RBM33: variants seen among roughly 807,000 people sequenced by gnomAD.
RBM33 encodes RNA binding motif protein 33.
In RBM33, 28 loss-of-function variants were observed where a neutral mutation model predicts 132.6. The observed-to-expected ratio is 0.21, with a 90% CI of 0.16 to 0.29. The LOEUF (loss-of-function observed/expected upper bound fraction) is 0.29. RBM33 is among the 10% of genes least tolerant of loss of function. The probability of loss-of-function intolerance (pLI) is 1.00; values close to 1 mark genes in which losing one functional copy is unlikely to be tolerated. For missense variants in RBM33, 1,291 were observed against 1,518.5 expected, an observed-to-expected ratio of 0.85 and a Z score of 2.49; for synonymous variants, 634 against 593.0, an observed-to-expected ratio of 1.07 and a Z score of -1.01.
At chr7:155,669,553 G>A (rs537121014) in intron 2 of RBM33, among the ~76,000 whole-genome samples, 4 of 152,176 alleles carry the variant, frequency 2.6e-5, no homozygotes, top group East Asian at 1.9e-4. Context: ...GGGTTTCGCC[G>A]TGTTGGCCAG....
chr7:155,764,090 T>TACA, intron 15 of RBM33, 72 bp downstream of exon 15: 1 of 1,221,582 alleles, frequency 8.2e-7, no homozygotes, highest in Non-Finnish European at 1.1e-6. Flanking sequence ...AGACGTGCTC[T>TACA]AATTTGTAGC....
intron 1 of RBM33, among the ~76,000 whole-genome samples, chr7:155,656,767 T>G (rs1798503345): frequency 6.6e-6 from 1 of 152,214 alleles, no homozygotes; most frequent in South Asian, 2.1e-4. Flanking sequence ...ACTGATTTGT[T>G]TCTTAAGTTT....
intron 14 of RBM33, among the ~76,000 whole-genome samples, chr7:155,757,703 G>C (rs752421391): frequency 1.1e-4 from 17 of 152,144 alleles, no homozygotes; most frequent in Non-Finnish European, 2.4e-4. Context: ...AAATACCTGA[G>C]ACTGGATAAT....
intron 13 of RBM33, among the ~76,000 whole-genome samples, chr7:155,743,272 ATACT>A (rs1801408853): frequency 6.6e-6 from 1 of 152,244 alleles, no homozygotes. Flanking sequence ...AAGTTTTATC[ATACT>A]TCTAGTGTAT....
chr7:155,757,315 G>A (rs1801883431), intron 14 of RBM33, among the ~76,000 whole-genome samples: 1 of 152,058 alleles, frequency 6.6e-6, no homozygotes, highest in Non-Finnish European at 1.5e-5. Flanking sequence ...TGTAGAATTA[G>A]CTTTTCCTCA....
At chr7:155,677,867 GAGT>G (rs1799227288) in intron 3 of RBM33, among the ~76,000 whole-genome samples, 1 of 152,154 alleles carries the variant, frequency 6.6e-6, no homozygotes, top group African/African-American at 2.4e-5. Context: ...TTCGTGAAGG[GAGT>G]AGTAATTTAC....
chr7:155,725,109 A>G (rs185475469), intron 9 of RBM33, among the ~76,000 whole-genome samples: 1 of 151,670 alleles, frequency 6.6e-6, no homozygotes. Flanking sequence ...GTGCATTCAC[A>G]GATGAGATTT....
At chr7:155,734,129 A>G (rs1220973856) in intron 9 of RBM33, among the ~76,000 whole-genome samples, 5 of 152,156 alleles carry the variant, frequency 3.3e-5, no homozygotes, top group Admixed American at 1.3e-4. Context: ...CTGTAATTTC[A>G]AGAACATCGA....
At chr7:155,651,430 T>G (rs751143752) in intron 1 of RBM33, among the ~76,000 whole-genome samples, 1 of 152,086 alleles carries the variant, frequency 6.6e-6, no homozygotes, top group South Asian at 2.1e-4. Context: ...TAGAAGTTTT[T>G]AACAACATTT....
chr7:155,725,935 A>G (rs1800784715), intron 9 of RBM33, among the ~76,000 whole-genome samples: 1 of 152,232 alleles, frequency 6.6e-6, no homozygotes, highest in Admixed American at 6.5e-5. Context: ...GTATTTAAAC[A>G]AGGCATAACC....
At position 155,712,883 on chromosome 7, in the gene RBM33, C is replaced by T. The variant is rs369743768; in HGVS notation, c.1201+1428C>T. 2.6e-4 allele frequency among the ~76,000 whole-genome samples: 40 copies of T among 152,320 alleles called. 1 individual carries two copies. The East Asian group carries it at 6.9e-3, about 26-fold the overall frequency. On this transcript the variant is annotated intron_variant, in intron 8 of 17. Transcript: ENST00000401878. ...TAGAGGGGTTTGAGCAGAGGAATGA[C>T]GTGACCTTGTGTATGTTTTAGAAGA...
At chr7:155,673,185 TAG>T (rs1798992392) in intron 3 of RBM33, among the ~76,000 whole-genome samples, 1 of 143,126 alleles carries the variant, frequency 7.0e-6, no homozygotes, top group Admixed American at 6.7e-5. Context: ...AGCGTTAACA[TAG>T]AGTTATTCCT....
At chr7:155,763,758 G>A in intron 14 of RBM33, 54 bp from the exon 15 acceptor site, 2 of 1,526,914 alleles carry the variant, frequency 1.3e-6, no homozygotes, top group Non-Finnish European at 1.8e-6. Context: ...TGCTGGGGAG[G>A]AGCTTTTGGT....
At chr7:155,741,684 AAAGT>A (rs1242143149) in intron 12 of RBM33, 131 bp from the exon 13 acceptor site, 1 of 827,888 alleles carries the variant, frequency 1.2e-6, no homozygotes. Flanking sequence ...GTATGAGAAA[AAAGT>A]ATCTGCTCCC....
chr7:155,701,098 T>C (rs549319247), intron 6 of RBM33, 154 bp downstream of exon 6: 4 of 670,778 alleles, frequency 6.0e-6, no homozygotes, highest in Non-Finnish European at 8.1e-6. Flanking sequence ...GTGCTGTTTA[T>C]GGTACTGTAA....
At chr7:155,749,457 C>T (rs1801626041) in intron 14 of RBM33, among the ~76,000 whole-genome samples, 1 of 152,234 alleles carries the variant, frequency 6.6e-6, no homozygotes, top group Non-Finnish European at 1.5e-5. Flanking sequence ...GAATCTTACG[C>T]TCTTCACCCT....
chr7:155,760,901 A>G (rs1218212583), intron 14 of RBM33, among the ~76,000 whole-genome samples: 1 of 152,194 alleles, frequency 6.6e-6, no homozygotes, highest in Non-Finnish European at 1.5e-5. Context: ...CTGCCTTTTC[A>G]CAGTGCTTCC....
chr7:155,777,007 A>G lies in RBM33; in HGVS notation c.*1966A>G, dbSNP rs1708900179. On this transcript the variant is annotated 3_prime_UTR_variant, in exon 18 of 18. Coordinates refer to ENST00000401878, the MANE Select transcript of RBM33 (RefSeq NM_053043.3). ...GTGGGAAGGCCTACCGACTTACTTT[A>G]TCATTGAGGGCTTACTGATACAATG... 1 of 151,814 alleles carries G rather than the reference A, an allele frequency of 6.6e-6. No homozygotes were observed. The highest frequency in any genetic ancestry group is 2.1e-4 in the South Asian group (1 of 4,808). The allele number at this position is 151,814 out of a possible 1,614,324, so 9.4% of individuals were successfully genotyped here.
rs374630078 is a variant in RBM33, at chr7:155,738,410, C to A, written c.1737+7C>A. ...CACACAGCCCAACCTGCAGGTAATG[C>A]ATCCTGAGTGAACCTCCAGGGAAAA... On this transcript the variant is annotated splice_region_variant and intron_variant, in intron 11 of 17. Transcript: ENST00000401878. 75 of 1,601,004 alleles carry A rather than the reference C, an allele frequency of 4.7e-5. No homozygotes were observed. The highest frequency in any genetic ancestry group is 6.1e-5 in the Non-Finnish European group (72 of 1,170,898).
Sources: gnomAD v4.1 joint callset for allele counts (sites outside exome capture counted in the v4.1 genomes callset) on GRCh38, gnomAD v4.1.1 for gene constraint, MANE v1.5 for transcripts, NCBI Gene and HGNC (gene_info 2026-07-23, HGNC 2026-07-21) for gene names.